JARID2: variants seen among roughly 807,000 people sequenced by gnomAD.
JARID2 encodes the protein protein Jumonji.
Under a neutral mutation model 125.6 loss-of-function variants are expected in JARID2, and 21 were observed. The observed-to-expected ratio is 0.17, with a 90% CI of 0.12 to 0.24. The LOEUF (loss-of-function observed/expected upper bound fraction) is 0.24. Among genes scored for constraint, JARID2 ranks in the 10% least tolerant of loss-of-function variants. The pLI is 1.00. For missense variants in JARID2, 1,303 were observed against 1,639.6 expected, an observed-to-expected ratio of 0.79 and a Z score of 3.55; for synonymous variants, 736 against 661.6, an observed-to-expected ratio of 1.11 and a Z score of -1.73.
intron 3 of JARID2, among the ~76,000 whole-genome samples, chr6:15,432,751 C>T (rs1249311004): frequency 1.3e-5 from 2 of 152,202 alleles, no homozygotes; most frequent in Non-Finnish European, 2.9e-5. Context: ...CCTCCAGACC[C>T]TGTTCTCCTG....
At chr6:15,420,794 A>G (rs1208028742) in intron 3 of JARID2, among the ~76,000 whole-genome samples, 4 of 152,198 alleles carry the variant, frequency 2.6e-5, no homozygotes, top group African/African-American at 9.7e-5. Context: ...ACTGTGAGGC[A>G]TTGTTTCCCT....
At chr6:15,322,657 A>T (rs1762397381) in intron 1 of JARID2, among the ~76,000 whole-genome samples, 1 of 152,216 alleles carries the variant, frequency 6.6e-6, no homozygotes, top group Non-Finnish European at 1.5e-5. Context: ...GAATATTTGC[A>T]CTAAGCCACT....
At chr6:15,278,983 G>T (rs778092617) in intron 1 of JARID2, among the ~76,000 whole-genome samples, 1 of 151,814 alleles carries the variant, frequency 6.6e-6, no homozygotes, top group African/African-American at 2.4e-5. Flanking sequence ...AGAATCTCAA[G>T]CTCAGGTTGA....
intron 1 of JARID2, chr6:15,368,788 G>A (rs1764064922): frequency 4.3e-6 from 2 of 462,184 alleles, no homozygotes; most frequent in Non-Finnish European, 8.7e-6. Context: ...TGGGATGGAT[G>A]TTTGAAGCAT....
rs188523341 is a variant in JARID2, at chr6:15,385,500, T to G, written c.181+11248T>G. Among the ~76,000 whole-genome samples, 7 of 150,878 alleles carry G rather than the reference T, an allele frequency of 4.6e-5. No homozygotes were observed. The East Asian group carries it at 1.2e-3, about 25-fold the overall frequency. On this transcript the variant is annotated intron_variant, in intron 2 of 17. Coordinates refer to ENST00000341776, the MANE Select transcript of JARID2 (RefSeq NM_004973.4). ...ATTTATATAGATTTTTTAATAGATTTTTTAAGATATAGTTTTTTATAGATA... is the reference window on the plus strand; with the variant it reads ...ATTTATATAGATTTTTTAATAGATTGTTTAAGATATAGTTTTTTATAGATA...
chr6:15,387,217 C>T (rs1764820425), intron 2 of JARID2, among the ~76,000 whole-genome samples: 1 of 152,116 alleles, frequency 6.6e-6, no homozygotes, highest in Non-Finnish European at 1.5e-5. Flanking sequence ...CCTTGTCGCC[C>T]TTGAGGATGC....
chr6:15,418,798 C>T (rs1766354869), intron 3 of JARID2, among the ~76,000 whole-genome samples: 1 of 152,142 alleles, frequency 6.6e-6, no homozygotes, highest in Non-Finnish European at 1.5e-5. Flanking sequence ...TGACATGCCT[C>T]TGGATATGAA....
chr6:15,454,511 A>G (rs747628806), intron 4 of JARID2, among the ~76,000 whole-genome samples: 7 of 152,126 alleles, frequency 4.6e-5, no homozygotes, highest in Non-Finnish European at 8.8e-5. Flanking sequence ...TCAAAATAAG[A>G]AGTTGTCCAC....
chr6:15,284,278 C>T (rs1760908181), intron 1 of JARID2, among the ~76,000 whole-genome samples: 1 of 152,192 alleles, frequency 6.6e-6, no homozygotes, highest in South Asian at 2.1e-4. Context: ...TTTCTTCTTT[C>T]AGCCACATAT....
intron 1 of JARID2, among the ~76,000 whole-genome samples, chr6:15,316,229 CCTGCCTCA>C (rs1204777140): frequency 6.6e-6 from 1 of 151,924 alleles, no homozygotes; most frequent in African/African-American, 2.4e-5. Flanking sequence ...AAGCGATTCT[CCTGCCTCA>C]GCCTCCCTAG....
intron 1 of JARID2, among the ~76,000 whole-genome samples, chr6:15,285,737 G>A (rs1205385940): frequency 6.6e-6 from 1 of 152,138 alleles, no homozygotes; most frequent in African/African-American, 2.4e-5. Flanking sequence ...GCAGCATCTC[G>A]TAAGTCATTC....
intron 1 of JARID2, among the ~76,000 whole-genome samples, chr6:15,255,326 A>G (rs1039368034): frequency 1.2e-4 from 18 of 152,012 alleles, no homozygotes; most frequent in Non-Finnish European, 2.1e-4. Flanking sequence ...GATGGTCTCT[A>G]TCTCTTGACC....
chr6:15,479,207 C>T (rs1039283393), intron 5 of JARID2, among the ~76,000 whole-genome samples: 5 of 152,104 alleles, frequency 3.3e-5, no homozygotes, highest in Admixed American at 6.5e-5. Context: ...CCACACAGGC[C>T]GCGGGGCTAG....
At chr6:15,499,780 T>C (rs1256817295) in intron 7 of JARID2, among the ~76,000 whole-genome samples, 1 of 152,080 alleles carries the variant, frequency 6.6e-6, no homozygotes. Context: ...ACCACATCAG[T>C]CCACTGTCCT....
At chr6:15,447,578 C>A (rs892869872) in intron 3 of JARID2, among the ~76,000 whole-genome samples, 6 of 152,196 alleles carry the variant, frequency 3.9e-5, no homozygotes, top group Admixed American at 3.9e-4. Flanking sequence ...CCCCAGGAAC[C>A]CCGTGCTCTC....
At chr6:15,500,456 A>G (rs2237113) in intron 7 of JARID2, among the ~76,000 whole-genome samples, 81,954 of 151,914 alleles carry the variant, frequency 0.54, 22,167 homozygotes, top group African/African-American at 0.59. Flanking sequence ...GCATGTGTCA[A>G]AGCTATTCTA....
At chr6:15,287,895 C>T (rs745429335) in intron 1 of JARID2, among the ~76,000 whole-genome samples, 23 of 152,150 alleles carry the variant, frequency 1.5e-4, no homozygotes, top group Admixed American at 8.5e-4. Context: ...TGTGAGCTTT[C>T]GGGGTGTGGT....
chr6:15,275,547 C>CGGA (rs75130504), intron 1 of JARID2, among the ~76,000 whole-genome samples: 1 of 124,804 alleles, frequency 8.0e-6, no homozygotes, highest in Non-Finnish European at 1.7e-5. Flanking sequence ...CCCCCCCCGT[C>CGGA]TTTTGCCTCT....
intron 1 of JARID2, among the ~76,000 whole-genome samples, chr6:15,266,186 A>G (rs1178631184): frequency 1.3e-5 from 2 of 152,148 alleles, no homozygotes; most frequent in African/African-American, 2.4e-5. Context: ...AGTGTGTCCG[A>G]TGAATCTCCT....
Sources: allele counts gnomAD v4.1 joint callset (sites outside exome capture counted in the v4.1 genomes callset), GRCh38; gene constraint gnomAD v4.1.1; transcripts MANE v1.5; gene names NCBI Gene and HGNC (gene_info 2026-07-23, HGNC 2026-07-21).